Variants in CMIP observed in about 807,000 individuals in gnomAD.
The protein encoded by CMIP is C-Maf-inducing protein.
CMIP carries 13 observed loss-of-function variants against 97.3 expected under a neutral mutation model. The observed-to-expected ratio is 0.13, with a 90% confidence interval of 0.09 to 0.21. CMIP has a LOEUF of 0.21. Among genes scored for constraint, CMIP ranks in the 10% least tolerant of loss-of-function variants. The pLI is 1.00. For synonymous variants in CMIP, 538 were observed against 436.3 expected (o/e 1.23, Z -2.91); for missense variants, 847 against 1,024.9 (o/e 0.83, Z 2.37).
intron 1 of CMIP, among the ~76,000 whole-genome samples, chr16:81,550,057 G>A (rs571906604): frequency 3.4e-4 from 51 of 152,236 alleles, no homozygotes; most frequent in Admixed American, 1.2e-3. Flanking sequence ...ATTATTGTGC[G>A]TGTGCCTATG....
intron 3 of CMIP, among the ~76,000 whole-genome samples, chr16:81,649,017 C>G (rs2099878491): frequency 6.6e-6 from 1 of 152,126 alleles, no homozygotes; most frequent in African/African-American, 2.4e-5. Context: ...ACTCTCCCCA[C>G]CAGTATTTCC....
intron 1 of CMIP, among the ~76,000 whole-genome samples, chr16:81,566,977 G>A (rs1025353107): frequency 6.6e-6 from 1 of 152,350 alleles, no homozygotes; most frequent in Admixed American, 6.5e-5. Flanking sequence ...CTTCTTGAGG[G>A]AATTGCCAAG....
chr16:81,465,809 C>A (rs948993158), intron 1 of CMIP, among the ~76,000 whole-genome samples: 2 of 152,168 alleles, frequency 1.3e-5, no homozygotes, highest in Non-Finnish European at 2.9e-5. Context: ...GACAGCAGGG[C>A]CCTGTGAGTT....
chr16:81,580,916 A>G (rs926716748), intron 1 of CMIP, among the ~76,000 whole-genome samples: 1 of 152,098 alleles, frequency 6.6e-6, no homozygotes, highest in Non-Finnish European at 1.5e-5. Flanking sequence ...TCTCGTGCCC[A>G]TTAGCAGTCA....
intron 1 of CMIP, among the ~76,000 whole-genome samples, chr16:81,606,136 TC>T (rs2091740173): frequency 6.6e-6 from 1 of 152,220 alleles, no homozygotes; most frequent in Admixed American, 6.5e-5. Flanking sequence ...TTTGCCTCTT[TC>T]TTGGAACACA....
intron 3 of CMIP, among the ~76,000 whole-genome samples, chr16:81,625,699 C>G (rs991711481): frequency 1.3e-5 from 2 of 152,210 alleles, no homozygotes; most frequent in Non-Finnish European, 2.9e-5. Context: ...GGTGACAGGT[C>G]CAGGCTACTG....
At chr16:81,463,732 C>G (rs889956763) in intron 1 of CMIP, among the ~76,000 whole-genome samples, 4 of 152,254 alleles carry the variant, frequency 2.6e-5, no homozygotes, top group African/African-American at 9.6e-5. Flanking sequence ...ACCCCAGGCC[C>G]TTGGCCTCCA....
intron 7 of CMIP, among the ~76,000 whole-genome samples, chr16:81,668,007 T>C (rs2092629055): frequency 6.6e-6 from 1 of 152,020 alleles, no homozygotes; most frequent in Admixed American, 6.5e-5. Flanking sequence ...CCAGCGGCTC[T>C]AGAAACTCTC....
chr16:81,514,253 G>A (rs1188767205), intron 1 of CMIP, among the ~76,000 whole-genome samples: 1 of 152,236 alleles, frequency 6.6e-6, no homozygotes. Flanking sequence ...GAGGGGTGGG[G>A]CAGGCAGGGA....
intron 9 of CMIP, among the ~76,000 whole-genome samples, chr16:81,677,285 A>C (rs1904369651): frequency 6.6e-6 from 1 of 152,158 alleles, no homozygotes; most frequent in African/African-American, 2.4e-5. Context: ...TCTGGCTTCA[A>C]ATCCCATCTC....
chr16:81,548,967 A>T (rs561125511), intron 1 of CMIP, among the ~76,000 whole-genome samples: 2 of 152,340 alleles, frequency 1.3e-5, no homozygotes, highest in South Asian at 4.1e-4. Context: ...ACACACGAGG[A>T]TTGACTTGGC....
intron 8 of CMIP, 80 bp from the exon 9 acceptor site, chr16:81,671,886 C>T (rs1015615931): frequency 1.0e-5 from 7 of 694,278 alleles, no homozygotes; most frequent in South Asian, 3.6e-5. Context: ...GCCTGAGCAA[C>T]GCCCTCCCTT....
At chr16:81,578,642 G>C (rs1034327504) in intron 1 of CMIP, among the ~76,000 whole-genome samples, 1 of 152,230 alleles carries the variant, frequency 6.6e-6, no homozygotes, top group African/African-American at 2.4e-5. Flanking sequence ...GGGCTGGTGT[G>C]TAGGATGTTC....
chr16:81,605,043 C>T (rs75938519), intron 1 of CMIP, among the ~76,000 whole-genome samples: 2,671 of 152,280 alleles, frequency 0.018, 115 homozygotes, highest in East Asian at 0.17. Context: ...CAGTGACCAA[C>T]ACAATAAATA....
intron 3 of CMIP, among the ~76,000 whole-genome samples, chr16:81,637,852 C>G (rs1190823944): frequency 3.3e-5 from 5 of 152,200 alleles, no homozygotes; most frequent in Non-Finnish European, 7.3e-5. Context: ...AGTCCACCAT[C>G]AAGGTAGATT....
chr16:81,657,354 G>T (rs2092495220), intron 4 of CMIP, among the ~76,000 whole-genome samples: 1 of 152,156 alleles, frequency 6.6e-6, no homozygotes, highest in African/African-American at 2.4e-5. Context: ...GCACAGATTA[G>T]GACTCTTGAA....
intron 1 of CMIP, among the ~76,000 whole-genome samples, chr16:81,573,572 T>C (rs2091134859): frequency 6.6e-6 from 1 of 152,138 alleles, no homozygotes; most frequent in Non-Finnish European, 1.5e-5. Context: ...TTGTGTTGTT[T>C]TAAAAATAAG....
intron 20 of CMIP, among the ~76,000 whole-genome samples, chr16:81,707,690 G>A (rs1304672836): frequency 6.6e-6 from 1 of 152,242 alleles, no homozygotes; most frequent in South Asian, 2.1e-4. Flanking sequence ...GTGGAAGGCA[G>A]GGGCGTTTTA....
intron 1 of CMIP, among the ~76,000 whole-genome samples, chr16:81,587,691 T>C (rs994900867): frequency 6.6e-6 from 1 of 152,226 alleles, no homozygotes; most frequent in Non-Finnish European, 1.5e-5. Flanking sequence ...AGAACTTTCC[T>C]CTACTGCTCC....
Sources: allele counts gnomAD v4.1 joint callset (sites outside exome capture counted in the v4.1 genomes callset), GRCh38; gene constraint gnomAD v4.1.1; transcripts MANE v1.5; gene names NCBI Gene and HGNC (gene_info 2026-07-23, HGNC 2026-07-21).